EML6: variants seen among roughly 807,000 people sequenced by gnomAD.
The protein encoded by EML6 is EMAP like 6.
EML6 carries 154 observed loss-of-function variants against 240.1 expected under a neutral mutation model. That is an observed-to-expected ratio of 0.64 (90% CI 0.56 to 0.73). The LOEUF (loss-of-function observed/expected upper bound fraction) is 0.73. Among genes scored for constraint, EML6 ranks in the 30% least tolerant of loss-of-function variants. The pLI, the probability that EML6 is intolerant of heterozygous loss-of-function variation, is 0.00. For missense variants in EML6, 2,964 were observed against 2,474.6 expected, an observed-to-expected ratio of 1.20 and a Z score of -4.20; for synonymous variants, 1,148 against 899.0, an observed-to-expected ratio of 1.28 and a Z score of -4.95.
In EML6 at chr2:54,814,187, G is replaced by A. The variant is rs144529801; in HGVS notation, c.357+796G>A. 5.9e-5 allele frequency among the ~76,000 whole-genome samples: 9 copies of A among 152,226 alleles called. No homozygotes were observed. The East Asian group carries it at 1.5e-3, about 26-fold the overall frequency. On this transcript the variant is annotated intron_variant, in intron 3 of 41. Transcript: ENST00000356458. ...TTTTATCCGTTGTGCCCTCATAGTC[G>A]AATTGGACAAATCTGCAAGACTCCT...
chr2:54,926,294 G>A (rs1253907550), intron 26 of EML6, among the ~76,000 whole-genome samples: 1 of 152,122 alleles, frequency 6.6e-6, no homozygotes, highest in Admixed American at 6.5e-5. Context: ...TAGAGTCAGG[G>A]TTTCACCATG....
intron 7 of EML6, among the ~76,000 whole-genome samples, chr2:54,835,546 G>A (rs919771457): frequency 2.0e-5 from 3 of 152,182 alleles, no homozygotes; most frequent in Non-Finnish European, 4.4e-5. Flanking sequence ...GGCATAATCG[G>A]ATCTCCACTT....
intron 7 of EML6, among the ~76,000 whole-genome samples, chr2:54,842,175 AG>A (rs1210225128): frequency 6.6e-6 from 1 of 152,198 alleles, no homozygotes; most frequent in African/African-American, 2.4e-5. Context: ...CCACCATTAT[AG>A]TATCCTACAG....
At chr2:54,953,319 A>G (rs959744566) in intron 31 of EML6, among the ~76,000 whole-genome samples, 32 of 152,306 alleles carry the variant, frequency 2.1e-4, no homozygotes, top group African/African-American at 7.7e-4. Flanking sequence ...AACCCCAGGT[A>G]AGGCTGTTCC....
In EML6 at chr2:54,859,527, C is replaced by G. The variant is rs1162701217; in HGVS notation, c.1658-7C>G. 3 of 1,547,352 alleles carry G rather than the reference C, an allele frequency of 1.9e-6. No individual in the cohort carries two copies. Among genetic ancestry groups the G allele is most frequent in the African/African-American group, 1.4e-5 (1 of 72,874 alleles). ...ATAACTAATCCTCTCAAAAAATATT[C>G]TTTCAGGAGCCAAATTTAGAAAGTA... On this transcript the variant is annotated splice_region_variant and splice_polypyrimidine_tract_variant and intron_variant, in intron 11 of 41. Coordinates refer to ENST00000356458, the MANE Select transcript of EML6 (RefSeq NM_001039753.4).
intron 2 of EML6, among the ~76,000 whole-genome samples, chr2:54,776,276 A>G (rs377406043): frequency 2.6e-5 from 4 of 152,140 alleles, no homozygotes; most frequent in African/African-American, 9.7e-5. Flanking sequence ...ACCCATGACT[A>G]TATTCTCTCC....
rs1292325161 is a variant in EML6, at chr2:54,871,584, G to A, written c.2323G>A (p.Val775Met). 1 of 1,551,402 alleles carries A rather than the reference G, an allele frequency of 6.4e-7. No homozygotes were observed. The highest frequency in any genetic ancestry group is 8.7e-7 in the Non-Finnish European group (1 of 1,146,772). Residue 775 changes from valine (V) to methionine (M), a missense_variant, in exon 16 of 42, where the codon GTG (valine) becomes ATG (methionine). Physicochemically the swap from Val to Met is conservative, Grantham distance 21 (BLOSUM62 1). Coordinates refer to ENST00000356458, the MANE Select transcript of EML6 (RefSeq NM_001039753.4). ...SLLKGQHQRG[V>M]CALDFSADGK... Reference sequence around the variant, plus strand: ...GTTGAAAGGACAACATCAGAGAGGAGTGTGTGCACTTGATTTTTCAGGTAA... The same window carrying A: ...GTTGAAAGGACAACATCAGAGAGGAATGTGTGCACTTGATTTTTCAGGTAA...
At chr2:54,922,486 G>C (rs1222441521) in intron 26 of EML6, among the ~76,000 whole-genome samples, 2 of 152,126 alleles carry the variant, frequency 1.3e-5, no homozygotes, top group African/African-American at 4.8e-5. Context: ...AAACGATATG[G>C]AGGTTCCTCA....
chr2:54,744,955 C>G (rs942930916), intron 2 of EML6, among the ~76,000 whole-genome samples: 1 of 107,340 alleles, frequency 9.3e-6, no homozygotes, highest in Non-Finnish European at 2.2e-5. Context: ...CACACACACA[C>G]ACACACACCC....
At chr2:54,797,178 A>AAAAAAC (rs1316579926) in intron 2 of EML6, among the ~76,000 whole-genome samples, 7 of 143,996 alleles carry the variant, frequency 4.9e-5, no homozygotes, top group African/African-American at 1.5e-4. Flanking sequence ...AAAAAAAAAA[A>AAAAAAC]AAAAAAAAAA....
At chr2:54,867,396 T>C (rs1424544299) in intron 14 of EML6, 1 of 152,468 alleles carries the variant, frequency 6.6e-6, no homozygotes, top group African/African-American at 2.4e-5. Flanking sequence ...ATCTGTATTA[T>C]GAATACATCA....
intron 2 of EML6, among the ~76,000 whole-genome samples, chr2:54,782,544 C>T (rs946905310): frequency 1.3e-5 from 2 of 152,186 alleles, no homozygotes; most frequent in African/African-American, 4.8e-5. Flanking sequence ...CCAACTAAGA[C>T]ATAAACACTG....
chr2:54,949,028 T>G (rs1342452048), intron 29 of EML6, 68 bp downstream of exon 29: 2 of 1,157,718 alleles, frequency 1.7e-6, no homozygotes, highest in Non-Finnish European at 2.5e-6. Context: ...CATCCCCATC[T>G]GCACGTCCCA....
intron 21 of EML6, 52 bp from the exon 22 acceptor site, chr2:54,899,589 C>T (rs1672949861): frequency 4.0e-6 from 6 of 1,518,792 alleles, no homozygotes; most frequent in Non-Finnish European, 4.4e-6. Flanking sequence ...TAAAGAAGGG[C>T]TAGCCAAACA....
chr2:54,869,015 C>G (rs894937075), intron 14 of EML6, 166 bp from the exon 15 acceptor site: 24 of 519,392 alleles, frequency 4.6e-5, no homozygotes, highest in Non-Finnish European at 7.2e-5. Flanking sequence ...CATCTCATGC[C>G]CTCAGACGGC....
chr2:54,733,212 G>A (rs1683248045), intron 2 of EML6, among the ~76,000 whole-genome samples: 1 of 152,176 alleles, frequency 6.6e-6, no homozygotes, highest in South Asian at 2.1e-4. Flanking sequence ...TACCTTAATA[G>A]GCTGGTCAGA....
At position 54,908,795 on chromosome 2, in the gene EML6, TCCAGTTTA is replaced by T. The variant is rs1673482097; in HGVS notation, c.3410-2155_3410-2148del. 1.3e-5 allele frequency among the ~76,000 whole-genome samples: 2 copies of T among 152,144 alleles called. 1 individual carries two copies. Among genetic ancestry groups the T allele is most frequent in the Admixed American group, 1.3e-4 (2 of 15,280 alleles). On this transcript the variant is annotated intron_variant, in intron 24 of 41. Transcript: ENST00000356458. Reference sequence around the variant, plus strand: ...CACCAACTGATTCAGCCTCTCAGATTCCAGTTTACCAAGAGAGAACTTTGATTACCCAG... The same window carrying T: ...CACCAACTGATTCAGCCTCTCAGATTCCAAGAGAGAACTTTGATTACCCAG...
At chr2:54,874,854 T>G (rs920013558) in intron 16 of EML6, among the ~76,000 whole-genome samples, 7 of 152,170 alleles carry the variant, frequency 4.6e-5, no homozygotes, top group Non-Finnish European at 8.8e-5. Context: ...AGGCTGAGAA[T>G]GGACATCCTG....
intron 36 of EML6, among the ~76,000 whole-genome samples, chr2:54,963,201 A>G (rs1444784652): frequency 6.6e-6 from 1 of 152,234 alleles, no homozygotes; most frequent in Non-Finnish European, 1.5e-5. Context: ...CAAGTACTCA[A>G]GTTCAACTAA....
Sources: gnomAD v4.1 joint callset for allele counts (sites outside exome capture counted in the v4.1 genomes callset) on GRCh38, gnomAD v4.1.1 for gene constraint, MANE v1.5 for transcripts, NCBI Gene and HGNC (gene_info 2026-07-23, HGNC 2026-07-21) for gene names.